The following CPT1C variants were observed in gnomAD, a reference collection of about 807,000 sequenced individuals.
CPT1C encodes the protein palmitoyl thioesterase CPT1C.
Under a neutral mutation model 97.3 loss-of-function variants are expected in CPT1C, and 61 were observed. The ratio of observed to expected loss-of-function variants is 0.63; its 90% CI spans 0.51 to 0.78. CPT1C has a LOEUF of 0.78. Ranked by LOEUF, CPT1C falls within the 30% of genes least tolerant of loss-of-function variation. The pLI is 0.00. For missense variants in CPT1C, 975 were observed against 1,065.5 expected (o/e 0.92, Z 1.18); for synonymous variants, 469 against 447.2 (o/e 1.05, Z -0.61).
chr19:49,697,552 A>C, intron 4 of CPT1C, 87 bp downstream of exon 4: 1 of 1,455,066 alleles, frequency 6.9e-7, no homozygotes, highest in Non-Finnish European at 9.3e-7. Context: ...GTACCTGCTA[A>C]AGAAAAGTAA....
chr19:49,703,583 CCCTCCCTCCCTCCCTT>C (rs2083324530), intron 7 of CPT1C, among the ~76,000 whole-genome samples: 1 of 88,092 alleles, frequency 1.1e-5, no homozygotes, highest in Admixed American at 1.1e-4. Context: ...CTCCCTCCCT[CCCTCCCTCCCTCCCTT>C]CCTTCCTTCC....
At chr19:49,711,586 T>C in intron 16 of CPT1C, 1 of 573,726 alleles carries the variant, frequency 1.7e-6, no homozygotes, top group Non-Finnish European at 3.1e-6. Context: ...GTTTGGACTC[T>C]GGGGCCAGAC....
chr19:49,694,788 C>G (rs80136171), intron 3 of CPT1C, among the ~76,000 whole-genome samples: 3 of 152,050 alleles, frequency 2.0e-5, no homozygotes, highest in Admixed American at 6.6e-5. Flanking sequence ...ATCCCTCTCC[C>G]GCCCTTACCC....
intron 14 of CPT1C, 120 bp from the exon 15 acceptor site, chr19:49,710,200 A>G (rs2083769305): frequency 2.1e-6 from 2 of 952,492 alleles, no homozygotes; most frequent in South Asian, 1.5e-5. Context: ...CTTTGTCCCC[A>G]TTTCCATATT....
intron 14 of CPT1C, among the ~76,000 whole-genome samples, chr19:49,709,312 C>A (rs1472001404): frequency 6.6e-6 from 1 of 151,574 alleles, no homozygotes. Flanking sequence ...ACAACCCATG[C>A]CCAACTCATC....
intron 17 of CPT1C, chr19:49,712,189 A>G: frequency 1.9e-6 from 1 of 521,564 alleles, no homozygotes; most frequent in Non-Finnish European, 3.4e-6. Flanking sequence ...CTAAAAATAC[A>G]AAAATTAGCT....
intron 9 of CPT1C, 24 bp from the exon 10 acceptor site, chr19:49,705,190 C>A (rs2083432427): frequency 6.2e-7 from 1 of 1,613,904 alleles, no homozygotes; most frequent in Non-Finnish European, 8.5e-7. Flanking sequence ...TGGAAGGCAG[C>A]TCACAGCCCA....
chr19:49,709,396 A>C, intron 14 of CPT1C, among the ~76,000 whole-genome samples: 1 of 150,232 alleles, frequency 6.7e-6, no homozygotes, highest in African/African-American at 2.5e-5. Context: ...CTCCAACCAC[A>C]ACCCATGCCC....
In CPT1C at chr19:49,712,868, G is replaced by T. The variant is rs757536361; in HGVS notation, c.2133+19G>T. 2.5e-6 allele frequency: 4 copies of T among 1,599,560 alleles called. No homozygotes were observed. The African/African-American group carries it at 5.4e-5, about 21-fold the overall frequency. On this transcript the variant is annotated intron_variant, in intron 18 of 19. Transcript: ENST00000598293. The stretch of plus-strand genomic sequence containing the variant: ...CGGGCCTGTGAGTGGAGCTGGGCGC[G>T]CTGGCCCCCAGAGGAAAGAGGGGGC...
chr19:49,703,744 C>T (rs764068526), intron 7 of CPT1C, among the ~76,000 whole-genome samples: 2 of 151,608 alleles, frequency 1.3e-5, no homozygotes, highest in African/African-American at 2.4e-5. Flanking sequence ...GCCATCCTCC[C>T]ATCTCAGCCT....
intron 14 of CPT1C, among the ~76,000 whole-genome samples, chr19:49,709,412 G>A (rs991221167): frequency 6.7e-6 from 1 of 149,906 alleles, no homozygotes; most frequent in African/African-American, 2.5e-5. Context: ...TGCCCAACTC[G>A]AATTCACTTC....
chr19:49,708,814 G>T lies in CPT1C; in HGVS notation c.1541G>T (p.Arg514Leu), dbSNP rs150853576. The T allele has an allele frequency of 9.6e-5, 155 of 1,613,026 alleles. No individual in the cohort carries two copies. In the East Asian group the frequency reaches 2.9e-3, roughly 30 times the overall value. ...GACCCCACACTACCCCAGCCCCAGCGGCTGCAATGGGACCTTCCAGACCAG... is the reference window on the plus strand; with the variant it reads ...GACCCCACACTACCCCAGCCCCAGCTGCTGCAATGGGACCTTCCAGACCAG... ...HPDPTLPQPQ[R>L]LQWDLPDQIH... Residue 514 changes from arginine to leucine, a missense_variant, in exon 14 of 20, where the codon CGG (arginine) becomes CTG (leucine). Arg to Leu is a moderately radical substitution (Grantham distance 102, BLOSUM62 -2). Coordinates refer to ENST00000598293, the MANE Select transcript of CPT1C (RefSeq NM_001199753.2).
In CPT1C at chr19:49,706,242, C is replaced by A; in HGVS notation, c.1172C>A (p.Ala391Asp). Residue 391 changes from alanine to aspartate, a missense_variant, in exon 12 of 20, where the codon GCC becomes GAC. Around this residue, in one of 3 missense-constraint regions of CPT1C, gnomAD observed 596 missense variants for 603.1 expected, o/e 0.99. Coordinates refer to ENST00000598293, the MANE Select transcript of CPT1C (RefSeq NM_001199753.2). This position sits in a 1 kb window ranked among gnomAD's most constrained non-coding sequence, Gnocchi z 4.8. Reference protein sequence around the residue: ...ALTAAPRGTWAQVRTSLKTQA... With the variant: ...ALTAAPRGTWDQVRTSLKTQA... ...CCCGGGCCCTCCAGGGGCACGTGGG[C>A]CCAGGTGCGGACATCCCTGAAGACC... 3 of 1,536,810 alleles carry A rather than the reference C, an allele frequency of 2.0e-6. No individual in the cohort carries two copies. Among genetic ancestry groups the A allele is most frequent in the Non-Finnish European group, 2.6e-6 (3 of 1,144,146 alleles).
chr19:49,707,602 C>T lies in CPT1C; in HGVS notation c.1428C>T (p.Pro476=). ...TGGAGCACTCCTGGGCCGACTGCCC[C>T]ATCTCAGGACACATGTGGGAGGTAG... is the stretch of plus-strand genomic sequence containing the variant. ...LSVEHSWADC[P]ISGHMWEFTL... The change falls in exon 13 of 20, where the codon CCC becomes CCT. Residue 476 remains proline, a synonymous_variant. Coordinates refer to ENST00000598293, the MANE Select transcript of CPT1C (RefSeq NM_001199753.2). The T allele has an allele frequency of 6.2e-7, 1 of 1,612,512 alleles. No homozygotes were observed. Among genetic ancestry groups the T allele is most frequent in the Non-Finnish European group, 8.5e-7 (1 of 1,179,266 alleles).
chr19:49,698,528 T>A (rs974605125), intron 4 of CPT1C, among the ~76,000 whole-genome samples: 7 of 151,648 alleles, frequency 4.6e-5, no homozygotes, highest in African/African-American at 1.7e-4. Flanking sequence ...CCGGGTGTGG[T>A]GGTGCGCGCC....
chr19:49,710,339 T>C lies in CPT1C; in HGVS notation c.1586T>C (p.Leu529Pro), dbSNP rs1029345084. 2 of 1,614,036 alleles carry C rather than the reference T, an allele frequency of 1.2e-6. No homozygotes were observed. The highest frequency in any genetic ancestry group is 2.7e-5 in the African/African-American group (2 of 74,930). Residue 529 changes from leucine (L) to proline (P), a missense_variant, in exon 15 of 20, where the codon CTA becomes CCA. Coordinates refer to ENST00000598293, the MANE Select transcript of CPT1C (RefSeq NM_001199753.2). ...LPDQIHSSIS[L>P]ALRGAKILSE... ...TGGCAGATCCACTCCTCCATCTCTC[T>C]AGCCCTGAGGGGAGCCAAGATCTTG...
At chr19:49,707,273 G>A (rs1431199440) in intron 12 of CPT1C, among the ~76,000 whole-genome samples, 2 of 151,906 alleles carry the variant, frequency 1.3e-5, no homozygotes, top group Non-Finnish European at 2.9e-5. Flanking sequence ...CGACAAGAGT[G>A]AAACTCCATC....
intron 8 of CPT1C, 21 bp from the exon 9 acceptor site, chr19:49,704,986 A>G: frequency 1.3e-6 from 2 of 1,569,224 alleles, no homozygotes; most frequent in Non-Finnish European, 8.7e-7. Context: ...GTGTTTTGCC[A>G]TCCCCTCTCC....
In CPT1C at chr19:49,706,290, C is replaced by T. The variant is rs61748956; in HGVS notation, c.1220C>T (p.Ala407Val). 282 of 1,536,460 alleles carry T rather than the reference C, an allele frequency of 1.8e-4. 1 individual carries two copies. The African/African-American group carries it at 3.4e-3, about 18-fold the overall frequency. Residue 407 changes from alanine (A) to valine (V), a missense_variant, in exon 12 of 20, where the codon GCG (alanine) becomes GTG (valine). Coordinates refer to ENST00000598293, the MANE Select transcript of CPT1C (RefSeq NM_001199753.2). This position sits in a 1 kb window ranked among gnomAD's most constrained non-coding sequence, Gnocchi z 4.8. Reference protein sequence around the residue: ...LKTQAAEALEAVEGAAFFVSL... With the variant: ...LKTQAAEALEVVEGAAFFVSL... ...ACCCAGGCAGCGGAGGCCCTGGAGG[C>T]GGTGGAAGGGGCCGCTTTCTTTGTG...
Sources: gnomAD v4.1 joint callset for allele counts (sites outside exome capture counted in the v4.1 genomes callset) on GRCh38, gnomAD v4.1.1 for gene constraint, gnomAD v4.1.1 regional missense constraint, Gnocchi (gnomAD v3.1) non-coding constraint, MANE v1.5 for transcripts, NCBI Gene and HGNC (gene_info 2026-07-23, HGNC 2026-07-21) for gene names.